LRBA: variants seen among roughly 807,000 people sequenced by gnomAD.
LRBA encodes the protein lipopolysaccharide-responsive and beige-like anchor protein.
Under a neutral mutation model 330.0 loss-of-function variants are expected in LRBA, and 176 were observed. That is an observed-to-expected ratio of 0.53 (90% confidence interval 0.47 to 0.60). The LOEUF (loss-of-function observed/expected upper bound fraction) is 0.60, where lower values mean the gene tolerates loss of function less well. Ranked by LOEUF, LRBA falls within the 20% of genes least tolerant of loss-of-function variation. The probability of loss-of-function intolerance (pLI) is 0.00; values close to 1 mark genes in which losing one functional copy is unlikely to be tolerated. For missense variants in LRBA, 3,259 were observed against 3,444.8 expected, an observed-to-expected ratio of 0.95 and a Z score of 1.35; for synonymous variants, 1,230 against 1,193.0, an observed-to-expected ratio of 1.03 and a Z score of -0.64.
chr4:150,805,761 C>T (rs1715373242), intron 33 of LRBA, among the ~76,000 whole-genome samples: 1 of 151,882 alleles, frequency 6.6e-6, no homozygotes. Flanking sequence ...CCAATCCCCT[C>T]AGCAACCTAC....
chr4:150,720,961 T>C, intron 36 of LRBA: 1 of 465,338 alleles, frequency 2.1e-6, no homozygotes, highest in South Asian at 1.7e-5. Context: ...CCCAACAATA[T>C]TAAGTCAAGC....
chr4:150,678,099 T>C (rs1480294946), intron 37 of LRBA, among the ~76,000 whole-genome samples: 6 of 151,566 alleles, frequency 4.0e-5, no homozygotes, highest in Non-Finnish European at 8.8e-5. Flanking sequence ...AAAATCAGCT[T>C]AGCATGGGGC....
At chr4:151,000,561 A>ACT (rs1743213927) in intron 2 of LRBA, among the ~76,000 whole-genome samples, 1 of 152,222 alleles carries the variant, frequency 6.6e-6, no homozygotes. Flanking sequence ...GTCACTTAGT[A>ACT]AAGTGACTAA....
Position 150,285,913 on chromosome 4 carries a change from T to A in LRBA, c.8119+20A>T, listed in dbSNP as rs370878323. 2.1e-6 allele frequency: 3 copies of A among 1,456,452 alleles called. No homozygotes were observed. Among genetic ancestry groups the A allele is most frequent in the Non-Finnish European group, 2.7e-6 (3 of 1,093,172 alleles). The allele number at this position is 1,456,452 out of a possible 1,614,324, so 90.2% of individuals were successfully genotyped here. On this transcript the variant is annotated intron_variant, in intron 54 of 56. Transcript: ENST00000651943. ...GACAGCAAGAAATGCATCCATTTTG[T>A]GAAGGTACCACAGGTTTACCTTGTG...
At chr4:150,564,263 C>T (rs192803191) in intron 40 of LRBA, among the ~76,000 whole-genome samples, 2 of 151,984 alleles carry the variant, frequency 1.3e-5, no homozygotes, top group South Asian at 2.1e-4. Flanking sequence ...CTTTGACAAA[C>T]CTGACAAAAA....
intron 22 of LRBA, among the ~76,000 whole-genome samples, chr4:150,855,986 A>G (rs2126936561): frequency 6.6e-6 from 1 of 152,306 alleles, no homozygotes; most frequent in East Asian, 1.9e-4. Context: ...GTCATTAGGA[A>G]ATACAGGAAA....
chr4:150,920,844 AAGAC>A lies in LRBA; in HGVS notation c.645+350_645+353del, dbSNP rs552696228. On this transcript the variant is annotated intron_variant, in intron 5 of 56. Coordinates refer to ENST00000651943, the MANE Select transcript of LRBA (RefSeq NM_001364905.1). The stretch of plus-strand genomic sequence containing the variant: ...ATTCTATACACAAGGTACAAAAAAA[AAGAC>A]AGGTAGAGTAATGAAAGGCAAGAGA... Among the ~76,000 whole-genome samples, 234 of 152,336 alleles carry A rather than the reference AAGAC, an allele frequency of 1.5e-3. 1 individual carries two copies. The highest frequency in any genetic ancestry group is 2.5e-3 in the Non-Finnish European group (169 of 68,028).
chr4:150,301,903 TAATTA>T (rs1729722616), intron 53 of LRBA, among the ~76,000 whole-genome samples: 1 of 152,226 alleles, frequency 6.6e-6, no homozygotes, highest in Non-Finnish European at 1.5e-5. Flanking sequence ...ATAATCATTT[TAATTA>T]AATTCTCATT....
chr4:150,708,769 A>G (rs775261648), intron 36 of LRBA, among the ~76,000 whole-genome samples: 14 of 151,882 alleles, frequency 9.2e-5, no homozygotes, highest in African/African-American at 1.4e-4. Context: ...CTGGCATTTT[A>G]TAACAGAAAA....
chr4:150,344,935 T>C (rs948492090), intron 48 of LRBA, among the ~76,000 whole-genome samples: 7 of 152,206 alleles, frequency 4.6e-5, no homozygotes, highest in Non-Finnish European at 8.8e-5. Context: ...CTTTACTTCA[T>C]TCCACATATA....
At chr4:150,415,252 A>C (rs896011186) in intron 47 of LRBA, among the ~76,000 whole-genome samples, 186 bp downstream of exon 47, 2 of 152,240 alleles carry the variant, frequency 1.3e-5, no homozygotes, top group African/African-American at 4.8e-5. Flanking sequence ...CTATTACTTT[A>C]TATATCAATT....
chr4:150,265,596 A>T lies in LRBA; in HGVS notation c.*126T>A. ...AAAGACTACAAAAATAGCAATTATT[A>T]ATAACTTTAAAAAATATTTTGCTTC... On this transcript the variant is annotated 3_prime_UTR_variant, in exon 57 of 57. Coordinates refer to ENST00000651943, the MANE Select transcript of LRBA (RefSeq NM_001364905.1). 1 of 642,982 alleles carries T rather than the reference A, an allele frequency of 1.6e-6. No homozygotes were observed. The highest frequency in any genetic ancestry group is 2.8e-6 in the Non-Finnish European group (1 of 358,046). 39.8% of individuals were successfully genotyped at this position (642,982 alleles called of 1,614,324 possible).
chr4:150,552,076 G>T (rs944675972), intron 40 of LRBA, among the ~76,000 whole-genome samples: 1 of 152,012 alleles, frequency 6.6e-6, no homozygotes, highest in African/African-American at 2.4e-5. Context: ...AATAAGGTTC[G>T]CACCCCTATG....
intron 37 of LRBA, among the ~76,000 whole-genome samples, chr4:150,619,671 C>T (rs1209162774): frequency 6.6e-6 from 1 of 152,066 alleles, no homozygotes; most frequent in Non-Finnish European, 1.5e-5. Context: ...ACTAGTTGAA[C>T]ATCCATCATA....
chr4:150,453,113 T>C (rs1468975337), intron 44 of LRBA, among the ~76,000 whole-genome samples: 1 of 152,154 alleles, frequency 6.6e-6, no homozygotes, highest in African/African-American at 2.4e-5. Context: ...TAGTACTTTA[T>C]TTTTACCCAA....
At chr4:150,495,475 T>C (rs913473289) in intron 40 of LRBA, among the ~76,000 whole-genome samples, 3 of 152,054 alleles carry the variant, frequency 2.0e-5, no homozygotes, top group African/African-American at 7.2e-5. Flanking sequence ...TTTTAAAAAA[T>C]TAAATAAAAT....
chr4:150,540,065 G>A (rs576601815), intron 40 of LRBA, among the ~76,000 whole-genome samples: 3 of 152,072 alleles, frequency 2.0e-5, no homozygotes, highest in Non-Finnish European at 2.9e-5. Context: ...CTTACTTTCC[G>A]TTATATGTCT....
chr4:150,843,137 G>A (rs546188468), intron 28 of LRBA, among the ~76,000 whole-genome samples: 2 of 152,232 alleles, frequency 1.3e-5, no homozygotes, highest in Admixed American at 1.3e-4. Context: ...CTAAGTGCAG[G>A]TCAGTGGTCT....
intron 22 of LRBA, among the ~76,000 whole-genome samples, chr4:150,865,058 G>A (rs1286383450): frequency 6.6e-6 from 1 of 152,126 alleles, no homozygotes; most frequent in African/African-American, 2.4e-5. Flanking sequence ...TGTTAGAAAC[G>A]TGAAAAATCT....
Sources: gnomAD v4.1 joint callset for allele counts (sites outside exome capture counted in the v4.1 genomes callset) on GRCh38, gnomAD v4.1.1 for gene constraint, MANE v1.5 for transcripts, NCBI Gene and HGNC (gene_info 2026-07-23, HGNC 2026-07-21) for gene names.